Variants in NBEA observed in about 807,000 individuals in gnomAD.
NBEA encodes the protein neurobeachin, also known as lysosomal-trafficking regulator 2.
NBEA carries 44 observed loss-of-function variants against 343.4 expected under a neutral mutation model. That is an observed-to-expected ratio of 0.13 (90% CI 0.10 to 0.16). NBEA has a LOEUF of 0.16. Among genes scored for constraint, NBEA ranks in the 10% least tolerant of loss-of-function variants. The probability of loss-of-function intolerance (pLI) is 1.00; values close to 1 mark genes in which losing one functional copy is unlikely to be tolerated. For synonymous variants in NBEA, 1,175 were observed against 1,238.7 expected, an observed-to-expected ratio of 0.95 and a Z score of 1.08; for missense variants, 2,555 against 3,631.3, an observed-to-expected ratio of 0.70 and a Z score of 7.62.
intron 39 of NBEA, 87 bp downstream of exon 39, chr13:35,432,480 G>C: frequency 1.7e-6 from 2 of 1,206,076 alleles, no homozygotes; most frequent in Non-Finnish European, 2.2e-6. Flanking sequence ...TTTTTCGCTA[G>C]TATTTAATGT....
chr13:35,394,794 G>C (rs993036313), intron 38 of NBEA, among the ~76,000 whole-genome samples: 2 of 151,794 alleles, frequency 1.3e-5, no homozygotes, highest in Non-Finnish European at 2.9e-5. Flanking sequence ...CTTATATTAG[G>C]CTTACTTTGT....
intron 44 of NBEA, among the ~76,000 whole-genome samples, chr13:35,563,114 T>C (rs1433471795): frequency 7.8e-6 from 1 of 128,544 alleles, no homozygotes; most frequent in Non-Finnish European, 1.8e-5. Context: ...AAATAAAGTG[T>C]ATGTGTGTGT....
chr13:35,361,198 T>C (rs751410779), intron 38 of NBEA, among the ~76,000 whole-genome samples: 93 of 152,104 alleles, frequency 6.1e-4, no homozygotes, highest in African/African-American at 2.2e-3. Flanking sequence ...AGAAAAATAA[T>C]TGGCAACCCA....
At chr13:35,051,576 A>T (rs73167752) in intron 6 of NBEA, among the ~76,000 whole-genome samples, 12,574 of 152,006 alleles carry the variant, frequency 0.083, 646 homozygotes, top group African/African-American at 0.14. Context: ...TATACTTAGA[A>T]AATGATTTAA....
intron 35 of NBEA, among the ~76,000 whole-genome samples, chr13:35,299,320 A>G (rs987967414): frequency 6.6e-6 from 1 of 152,164 alleles, no homozygotes; most frequent in African/African-American, 2.4e-5. Context: ...TTAATTGTAT[A>G]CAAAGAAGAG....
At chr13:35,444,123 A>G (rs953782279) in intron 39 of NBEA, among the ~76,000 whole-genome samples, 2 of 151,982 alleles carry the variant, frequency 1.3e-5, no homozygotes, top group African/African-American at 4.8e-5. Context: ...TTTTCGAACA[A>G]TAGGTTCCTC....
intron 23 of NBEA, among the ~76,000 whole-genome samples, chr13:35,163,507 C>T (rs74781238): frequency 0.028 from 4,320 of 151,724 alleles, 95 homozygotes; most frequent in South Asian, 0.075. Flanking sequence ...GTGGTGTCCA[C>T]CTGTAGTCCC....
At chr13:35,355,473 A>T (rs2040439682) in intron 38 of NBEA, among the ~76,000 whole-genome samples, 1 of 152,168 alleles carries the variant, frequency 6.6e-6, no homozygotes, top group African/African-American at 2.4e-5. Context: ...TGCACTAGCC[A>T]AATTTCAAGT....
intron 18 of NBEA, among the ~76,000 whole-genome samples, chr13:35,153,485 AG>A: frequency 6.6e-6 from 1 of 152,326 alleles, no homozygotes; most frequent in East Asian, 1.9e-4. Flanking sequence ...TAGCAGAGGG[AG>A]GGCACATAAC....
intron 1 of NBEA, among the ~76,000 whole-genome samples, chr13:34,985,616 A>G (rs1411514906): frequency 2.0e-5 from 3 of 150,886 alleles, no homozygotes; most frequent in African/African-American, 7.3e-5. Flanking sequence ...AAGGAGTGCT[A>G]CCAGCTCCTT....
chr13:35,406,305 T>G (rs201437734), intron 38 of NBEA, among the ~76,000 whole-genome samples: 1 of 151,626 alleles, frequency 6.6e-6, no homozygotes, highest in African/African-American at 2.4e-5. Context: ...ATCTTTTTTT[T>G]TTTTTTCATT....
intron 34 of NBEA, among the ~76,000 whole-genome samples, chr13:35,238,342 G>A (rs1309453865): frequency 2.6e-5 from 4 of 152,180 alleles, no homozygotes; most frequent in African/African-American, 9.7e-5. Flanking sequence ...GGAGAGAAAA[G>A]TCAGTAACAA....
At chr13:35,111,075 T>C in intron 13 of NBEA, 97 bp downstream of exon 13, 1 of 1,018,720 alleles carries the variant, frequency 9.8e-7, no homozygotes, top group Non-Finnish European at 1.3e-6. Context: ...ATGAAATCAC[T>C]GAAATGTTTT....
chr13:35,350,764 G>GTGTT (rs1403766221), intron 37 of NBEA, among the ~76,000 whole-genome samples: 1 of 130,012 alleles, frequency 7.7e-6, no homozygotes, highest in Non-Finnish European at 1.6e-5. Flanking sequence ...GTGTGTGTGT[G>GTGTT]TGTGTGTGTA....
intron 41 of NBEA, among the ~76,000 whole-genome samples, chr13:35,527,538 G>A (rs1326068080): frequency 2.0e-5 from 3 of 152,214 alleles, no homozygotes; most frequent in African/African-American, 7.2e-5. Context: ...GGTGCCCAAA[G>A]TCCAGACGGG....
chr13:35,476,775 C>T, intron 41 of NBEA: 1 of 1,037,622 alleles, frequency 9.6e-7, no homozygotes. Flanking sequence ...GTCACGACAG[C>T]CTCCTTCAGC....
At chr13:35,264,392 C>T (rs762703898) in intron 34 of NBEA, among the ~76,000 whole-genome samples, 1 of 151,866 alleles carries the variant, frequency 6.6e-6, no homozygotes, top group South Asian at 2.1e-4. Context: ...TATTTCCAAA[C>T]ACATATTACA....
At chr13:35,601,648 G>A (rs927404395) in intron 47 of NBEA, among the ~76,000 whole-genome samples, 4 of 151,722 alleles carry the variant, frequency 2.6e-5, no homozygotes, top group Admixed American at 6.6e-5. Flanking sequence ...TGTAGTCCCA[G>A]CTACTTGGGA....
chr13:35,389,817 C>T (rs1256098379), intron 38 of NBEA, among the ~76,000 whole-genome samples: 2 of 151,928 alleles, frequency 1.3e-5, no homozygotes, highest in African/African-American at 4.8e-5. Context: ...TAAAGTGGTC[C>T]TTTTATAAAT....
Sources: gnomAD v4.1 joint callset for allele counts (sites outside exome capture counted in the v4.1 genomes callset) on GRCh38, gnomAD v4.1.1 for gene constraint, MANE v1.5 for transcripts, NCBI Gene and HGNC (gene_info 2026-07-23, HGNC 2026-07-21) for gene names.